The following PI4K2A variants were observed in gnomAD, a reference collection of about 807,000 sequenced individuals.
The protein encoded by PI4K2A is phosphatidylinositol 4-kinase type 2-alpha.
PI4K2A carries 20 observed loss-of-function variants against 55.0 expected under a neutral mutation model. The ratio of observed to expected loss-of-function variants is 0.36; its 90% CI spans 0.26 to 0.53. PI4K2A has a LOEUF of 0.53. Ranked by LOEUF, PI4K2A falls within the 20% of genes least tolerant of loss-of-function variation. The pLI, the probability that PI4K2A is intolerant of heterozygous loss-of-function variation, is 0.91. For synonymous variants in PI4K2A, 235 were observed against 258.5 expected (o/e 0.91, Z 0.87); for missense variants, 463 against 637.1 (o/e 0.73, Z 2.94).
chr10:97,641,438 G>A (rs1184235586), intron 1 of PI4K2A, among the ~76,000 whole-genome samples: 1 of 152,196 alleles, frequency 6.6e-6, no homozygotes, highest in Non-Finnish European at 1.5e-5. Flanking sequence ...GCTCAGCGGT[G>A]TGGTGGGGCA....
chr10:97,651,573 G>T (rs73334560), intron 2 of PI4K2A, among the ~76,000 whole-genome samples: 4,446 of 152,188 alleles, frequency 0.029, 233 homozygotes, highest in African/African-American at 0.1. Context: ...ACAGGCTGAG[G>T]GTTAGAACAA....
intron 2 of PI4K2A, among the ~76,000 whole-genome samples, chr10:97,655,336 C>T (rs915635498): frequency 6.8e-6 from 1 of 146,652 alleles, no homozygotes; most frequent in African/African-American, 2.5e-5. Context: ...TGCCACTGCA[C>T]TCCAGCCTGG....
intron 8 of PI4K2A, among the ~76,000 whole-genome samples, chr10:97,670,027 C>T (rs57574145): frequency 0.16 from 24,202 of 152,070 alleles, 2,219 homozygotes; most frequent in South Asian, 0.34. Context: ...CCCCCTCAGC[C>T]TCCTGAGTAG....
In PI4K2A at chr10:97,656,512, C is replaced by A. The variant is rs559105267; in HGVS notation, c.768+96C>A. The A allele has an allele frequency of 8.0e-6, 9 of 1,130,586 alleles. No individual in the cohort carries two copies. The African/African-American group carries it at 9.2e-5, about 12-fold the overall frequency. 70.0% of individuals were successfully genotyped at this position (1,130,586 alleles called of 1,614,324 possible). A position where few individuals can be genotyped will look rare whatever the true frequency, so the allele number is the denominator to read the frequency against. Reference sequence around the variant, plus strand: ...GGTGCCTACAACTCAAATATGGGCACGTGAATAACCTGCCCTGAGGATCCT... The same window carrying A: ...GGTGCCTACAACTCAAATATGGGCAAGTGAATAACCTGCCCTGAGGATCCT... On this transcript the variant is annotated intron_variant, in intron 3 of 8. Transcript: ENST00000370631. The surrounding 1 kb of genome is among the most constrained non-coding windows in gnomAD (Gnocchi z 4.5).
Position 97,656,510 on chromosome 10 carries a change from C to A in PI4K2A, c.768+94C>A. 2 of 1,209,136 alleles carry A rather than the reference C, an allele frequency of 1.7e-6. No individual in the cohort carries two copies. Among genetic ancestry groups the A allele is most frequent in the Non-Finnish European group, 1.2e-6 (1 of 835,374 alleles). The allele number at this position is 1,209,136 out of a possible 1,614,324, so 74.9% of individuals were successfully genotyped here. On this transcript the variant is annotated intron_variant, in intron 3 of 8. Coordinates refer to ENST00000370631, the Ensembl canonical transcript of PI4K2A. This position sits in a 1 kb window ranked among gnomAD's most constrained non-coding sequence, Gnocchi z 4.5. ...AAGGTGCCTACAACTCAAATATGGGCACGTGAATAACCTGCCCTGAGGATC... is the reference window on the plus strand; with the variant it reads ...AAGGTGCCTACAACTCAAATATGGGAACGTGAATAACCTGCCCTGAGGATC...
chr10:97,643,577 C>T (rs191228928), intron 1 of PI4K2A, among the ~76,000 whole-genome samples: 49 of 152,194 alleles, frequency 3.2e-4, no homozygotes, highest in African/African-American at 1.1e-3. Context: ...TTAGGGATTC[C>T]AGTCTCTAAA....
At chr10:97,653,377 T>G (rs2041538359) in intron 2 of PI4K2A, among the ~76,000 whole-genome samples, 1 of 152,196 alleles carries the variant, frequency 6.6e-6, no homozygotes, top group Non-Finnish European at 1.5e-5. Context: ...ATATAAATAG[T>G]TCCTACTTTG....
chr10:97,642,913 C>CTTTCT (rs1401636318), intron 1 of PI4K2A, among the ~76,000 whole-genome samples: 26 of 124,468 alleles, frequency 2.1e-4, no homozygotes, highest in East Asian at 1.7e-3. Context: ...TCCTTCCTTC[C>CTTTCT]TTCCTTCCTT....
chr10:97,640,849 T>C, exon 1 of PI4K2A: 1 of 1,366,448 alleles, frequency 7.3e-7, no homozygotes, highest in Non-Finnish European at 9.5e-7. Context: ...GGGGGCGCGG[T>C]CCGAGTGGCG....
chr10:97,653,271 G>A (rs750914923), intron 2 of PI4K2A, among the ~76,000 whole-genome samples: 2 of 152,184 alleles, frequency 1.3e-5, no homozygotes, highest in African/African-American at 4.8e-5. Flanking sequence ...CAGAGGACTT[G>A]AGTTTGAATT....
Position 97,656,199 on chromosome 10 carries a change from G to T in PI4K2A, c.637-86G>T. Reference sequence around the variant, plus strand: ...GCCCTGGAAGAGGAATAGGATTTGTGAACATCAAGCTATTTATTCTCTGCC... The same window carrying T: ...GCCCTGGAAGAGGAATAGGATTTGTTAACATCAAGCTATTTATTCTCTGCC... On this transcript the variant is annotated intron_variant, in intron 2 of 8. Coordinates refer to ENST00000370631, the Ensembl canonical transcript of PI4K2A. The surrounding 1 kb of genome is among the most constrained non-coding windows in gnomAD (Gnocchi z 4.5). The T allele has an allele frequency of 9.1e-7, 1 of 1,103,244 alleles. No individual in the cohort carries two copies. The highest frequency in any genetic ancestry group is 1.4e-5 in the South Asian group (1 of 71,708). The allele number at this position is 1,103,244 out of a possible 1,614,324, so 68.3% of individuals were successfully genotyped here.
intron 8 of PI4K2A, among the ~76,000 whole-genome samples, chr10:97,670,731 T>C (rs1281726719): frequency 6.6e-6 from 1 of 152,182 alleles, no homozygotes; most frequent in African/African-American, 2.4e-5. Context: ...AGCAGTTGTG[T>C]AAGAGGATAT....
At chr10:97,671,149 A>AAAG (rs1554879770) in intron 8 of PI4K2A, among the ~76,000 whole-genome samples, 3 of 151,678 alleles carry the variant, frequency 2.0e-5, no homozygotes, top group South Asian at 2.1e-4. Flanking sequence ...GAAAAAAAAA[A>AAAG]AGAGAGAGAG....
intron 1 of PI4K2A, among the ~76,000 whole-genome samples, chr10:97,647,171 T>C (rs958441793): frequency 1.3e-5 from 2 of 152,162 alleles, no homozygotes; most frequent in Non-Finnish European, 2.9e-5. Context: ...CCCAACTTCA[T>C]GGACTGCTAC....
chr10:97,663,949 C>G (rs2041598442), intron 5 of PI4K2A, among the ~76,000 whole-genome samples: 1 of 152,078 alleles, frequency 6.6e-6, no homozygotes, highest in Admixed American at 6.5e-5. Context: ...CTCACCTCAG[C>G]CTCCTGAGTA....
intron 8 of PI4K2A, among the ~76,000 whole-genome samples, chr10:97,671,946 G>A (rs1470493849): frequency 1.3e-5 from 2 of 151,970 alleles, no homozygotes; most frequent in Non-Finnish European, 2.9e-5. Context: ...GAGCTACCAC[G>A]CCCAGCCAGC....
intron 2 of PI4K2A, among the ~76,000 whole-genome samples, chr10:97,653,774 G>A: frequency 6.6e-6 from 1 of 152,212 alleles, no homozygotes; most frequent in East Asian, 1.9e-4. Flanking sequence ...AAACTTAGCT[G>A]AGCATGGTGG....
chr10:97,662,988 C>A lies in PI4K2A; in HGVS notation c.984+20C>A, dbSNP rs2041593230. 8 of 1,489,302 alleles carry A rather than the reference C, an allele frequency of 5.4e-6. No homozygotes were observed. Among genetic ancestry groups the A allele is most frequent in the Non-Finnish European group, 7.5e-6 (8 of 1,066,616 alleles). The allele number at this position is 1,489,302 out of a possible 1,614,324, so 92.3% of individuals were successfully genotyped here. A position where few individuals can be genotyped will look rare whatever the true frequency, so the allele number is the denominator to read the frequency against. On this transcript the variant is annotated intron_variant, in intron 5 of 8. Transcript: ENST00000370631. The stretch of plus-strand genomic sequence containing the variant: ...TCTCGGGTAAGAGACTGAGATAAAT[C>A]TTAAAGAGAATGAAGAGTATTTGCA...
intron 2 of PI4K2A, among the ~76,000 whole-genome samples, chr10:97,654,142 C>T (rs1009958288): frequency 2.6e-5 from 4 of 152,210 alleles, no homozygotes; most frequent in African/African-American, 9.7e-5. Flanking sequence ...CTGGCTGTCT[C>T]TGCTCTCTGC....
Sources: gnomAD v4.1 joint callset for allele counts (sites outside exome capture counted in the v4.1 genomes callset) on GRCh38, gnomAD v4.1.1 for gene constraint, Gnocchi (gnomAD v3.1) non-coding constraint, MANE v1.5 for transcripts, NCBI Gene and HGNC (gene_info 2026-07-23, HGNC 2026-07-21) for gene names.